SNX8: variants seen among roughly 807,000 people sequenced by gnomAD.
The protein encoded by SNX8 is sorting nexin 8.
A neutral mutation model predicts 51.6 loss-of-function variants in SNX8; 25 were observed. The ratio of observed to expected loss-of-function variants is 0.48; its 90% CI spans 0.35 to 0.68. SNX8 has a LOEUF of 0.68. SNX8 is among the 30% of genes least tolerant of loss of function. The pLI, the probability that SNX8 is intolerant of heterozygous loss-of-function variation, is 0.00. For synonymous variants in SNX8, 324 were observed against 277.0 expected, an observed-to-expected ratio of 1.17 and a Z score of -1.68; for missense variants, 695 against 624.0, an observed-to-expected ratio of 1.11 and a Z score of -1.21.
chr7:2,304,210 C>T (rs902183908), intron 1 of SNX8, among the ~76,000 whole-genome samples: 1 of 148,264 alleles, frequency 6.7e-6, no homozygotes, highest in Non-Finnish European at 1.5e-5. Context: ...GGGACTCATT[C>T]TCCCACCCCT....
intron 1 of SNX8, among the ~76,000 whole-genome samples, chr7:2,307,151 G>A (rs1029543133): frequency 7.2e-5 from 11 of 152,164 alleles, no homozygotes; most frequent in Admixed American, 2.0e-4. Flanking sequence ...AGATCCTCCC[G>A]GAGCTGAACA....
intron 2 of SNX8, 68 bp downstream of exon 2, chr7:2,278,032 C>T: frequency 6.4e-7 from 1 of 1,564,044 alleles, no homozygotes; most frequent in Non-Finnish European, 8.7e-7. Flanking sequence ...CCACTCCTGC[C>T]CTGAGATGTT....
chr7:2,260,650 C>G (rs1211741875), intron 7 of SNX8, among the ~76,000 whole-genome samples: 1 of 152,114 alleles, frequency 6.6e-6, no homozygotes, highest in Non-Finnish European at 1.5e-5. Flanking sequence ...TTAGGAAAAA[C>G]GGTCCTCGCT....
At chr7:2,297,298 C>A (rs958867845) in intron 1 of SNX8, among the ~76,000 whole-genome samples, 1 of 151,802 alleles carries the variant, frequency 6.6e-6, no homozygotes, top group Non-Finnish European at 1.5e-5. Context: ...CACCTGTAAT[C>A]CCAGCACTTT....
intron 4 of SNX8, 66 bp from the exon 5 acceptor site, chr7:2,269,705 G>T: frequency 1.9e-6 from 2 of 1,056,068 alleles, no homozygotes; most frequent in African/African-American, 1.6e-5. Flanking sequence ...TGTGGGGTAT[G>T]GGTCACTGTG....
intron 1 of SNX8, among the ~76,000 whole-genome samples, chr7:2,344,525 T>G (rs568574384): frequency 1.8e-4 from 27 of 150,924 alleles, no homozygotes; most frequent in African/African-American, 6.1e-4. Context: ...GGCAGGAGAA[T>G]CTTGTGAACC....
At chr7:2,305,676 T>C (rs1266372889) in intron 1 of SNX8, among the ~76,000 whole-genome samples, 1 of 152,076 alleles carries the variant, frequency 6.6e-6, no homozygotes, top group Non-Finnish European at 1.5e-5. Flanking sequence ...TATTGTATTA[T>C]TTTGTATTAT....
chr7:2,257,064 G>A (rs1210228352), intron 9 of SNX8, 41 bp from the exon 10 acceptor site: 10 of 1,552,144 alleles, frequency 6.4e-6, no homozygotes, highest in Non-Finnish European at 8.7e-6. Flanking sequence ...GGCCCAGCCG[G>A]CGACGGGAGC....
At chr7:2,296,802 C>A (rs559305787) in intron 1 of SNX8, among the ~76,000 whole-genome samples, 1 of 151,776 alleles carries the variant, frequency 6.6e-6, no homozygotes, top group Non-Finnish European at 1.5e-5. Context: ...TGGTGGCGGA[C>A]ACCTGTAATC....
intron 1 of SNX8, among the ~76,000 whole-genome samples, chr7:2,310,847 C>T (rs1796644899): frequency 6.6e-6 from 1 of 152,032 alleles, no homozygotes; most frequent in Non-Finnish European, 1.5e-5. Flanking sequence ...CATGAGCACA[C>T]TTATATAAGG....
chr7:2,338,298 T>C (rs1344369283), intron 1 of SNX8, among the ~76,000 whole-genome samples: 1 of 151,866 alleles, frequency 6.6e-6, no homozygotes, highest in African/African-American at 2.4e-5. Context: ...CTGACTCTAC[T>C]AAAAATACCA....
At chr7:2,314,287 C>A in intron 1 of SNX8, 41 bp downstream of exon 1, 1 of 1,217,444 alleles carries the variant, frequency 8.2e-7, no homozygotes, top group Non-Finnish European at 1.0e-6. Flanking sequence ...TCGGGCCGCG[C>A]GCCCTGGGCA....
At chr7:2,296,977 T>C (rs1796287244) in intron 1 of SNX8, among the ~76,000 whole-genome samples, 1 of 151,658 alleles carries the variant, frequency 6.6e-6, no homozygotes, top group African/African-American at 2.4e-5. Flanking sequence ...ATATGCAAAA[T>C]GCTCAAAATC....
chr7:2,279,551 A>C (rs1432678998), intron 1 of SNX8, among the ~76,000 whole-genome samples: 5 of 152,124 alleles, frequency 3.3e-5, no homozygotes, highest in African/African-American at 1.2e-4. Context: ...CAGGAGTTCA[A>C]GACCACCCTG....
chr7:2,338,876 A>G (rs1336393494), intron 1 of SNX8, among the ~76,000 whole-genome samples: 5 of 152,024 alleles, frequency 3.3e-5, no homozygotes, highest in Admixed American at 3.3e-4. Context: ...CAGGAGTTTG[A>G]GACCACCCTG....
At chr7:2,329,185 C>T (rs1026827727) in intron 1 of SNX8, among the ~76,000 whole-genome samples, 1 of 151,424 alleles carries the variant, frequency 6.6e-6, no homozygotes. Flanking sequence ...GCAGGAGAAT[C>T]GCTTGAACCC....
intron 1 of SNX8, among the ~76,000 whole-genome samples, chr7:2,344,352 C>T (rs2115247979): frequency 6.6e-6 from 1 of 152,150 alleles, no homozygotes; most frequent in East Asian, 1.9e-4. Flanking sequence ...TGGCTCACAC[C>T]TGTAATCCCA....
At chr7:2,264,657 C>A (rs907915605) in intron 5 of SNX8, among the ~76,000 whole-genome samples, 199 bp from the exon 6 acceptor site, 1 of 152,194 alleles carries the variant, frequency 6.6e-6, no homozygotes, top group Non-Finnish European at 1.5e-5. Context: ...CACCTGCATG[C>A]CACAAACACA....
At chr7:2,255,886 G>A (rs567608297) in intron 10 of SNX8, among the ~76,000 whole-genome samples, 1 of 152,238 alleles carries the variant, frequency 6.6e-6, no homozygotes, top group African/African-American at 2.4e-5. Flanking sequence ...AAGACCTGCC[G>A]TGCAGGGGCT....
Sources: gnomAD v4.1 joint callset for allele counts (sites outside exome capture counted in the v4.1 genomes callset) on GRCh38, gnomAD v4.1.1 for gene constraint, MANE v1.5 for transcripts, NCBI Gene and HGNC (gene_info 2026-07-23, HGNC 2026-07-21) for gene names.